DOCK7: variants seen among roughly 807,000 people sequenced by gnomAD.
The protein encoded by DOCK7 is dedicator of cytokinesis protein 7.
A neutral mutation model predicts 271.0 loss-of-function variants in DOCK7; 138 were observed. That is an observed-to-expected ratio of 0.51 (90% CI 0.44 to 0.59). The LOEUF is 0.59. Among genes scored for constraint, DOCK7 ranks in the 20% least tolerant of loss-of-function variants. The pLI is 0.00. For missense variants in DOCK7, 2,066 were observed against 2,592.4 expected (o/e 0.80, Z 4.41); for synonymous variants, 823 against 876.1 (o/e 0.94, Z 1.07).
chr1:62,634,376 T>A (rs868211165), intron 9 of DOCK7: 4,640 of 147,134 alleles, frequency 0.032, 234 homozygotes, highest in African/African-American at 0.11. Flanking sequence ...ATCTCAATGT[T>A]TTTTTTTTTT....
chr1:62,537,585 CAAAA>C (rs34404898), intron 28 of DOCK7, among the ~76,000 whole-genome samples: 8 of 106,614 alleles, frequency 7.5e-5, no homozygotes, highest in Non-Finnish European at 8.0e-5. Flanking sequence ...GACTCTGTCT[CAAAA>C]AAAAAAAAAA....
chr1:62,472,212 T>C (rs1645851123), intron 48 of DOCK7, among the ~76,000 whole-genome samples: 1 of 152,086 alleles, frequency 6.6e-6, no homozygotes, highest in Non-Finnish European at 1.5e-5. Flanking sequence ...CAAGCAATTC[T>C]CTCTGCCTCA....
chr1:62,615,091 T>C (rs886426791), intron 14 of DOCK7, among the ~76,000 whole-genome samples: 10 of 151,902 alleles, frequency 6.6e-5, no homozygotes, highest in African/African-American at 2.4e-4. Flanking sequence ...GCTACACATA[T>C]AGTCGTACCA....
chr1:62,666,666 G>A (rs1659362144), intron 1 of DOCK7, among the ~76,000 whole-genome samples: 1 of 152,130 alleles, frequency 6.6e-6, no homozygotes, highest in African/African-American at 2.4e-5. Flanking sequence ...ATAAATATAA[G>A]CCCTGATACC....
chr1:62,686,694 T>C (rs971188012), intron 1 of DOCK7, among the ~76,000 whole-genome samples: 3 of 152,206 alleles, frequency 2.0e-5, no homozygotes, highest in African/African-American at 7.2e-5. Flanking sequence ...AGCTGGGTCC[T>C]ATTATTATTC....
At chr1:62,566,905 C>T (rs1282493524) in intron 18 of DOCK7, among the ~76,000 whole-genome samples, 1 of 152,098 alleles carries the variant, frequency 6.6e-6, no homozygotes, top group Non-Finnish European at 1.5e-5. Context: ...AGACACTTCT[C>T]AAAAGAAGAC....
At chr1:62,588,568 A>T (rs1258327726) in intron 14 of DOCK7, among the ~76,000 whole-genome samples, 8 of 152,108 alleles carry the variant, frequency 5.3e-5, no homozygotes, top group Non-Finnish European at 1.0e-4. Context: ...TGGTTTTTGT[A>T]AATTGAGAAT....
chr1:62,511,873 G>A (rs1644496304), intron 33 of DOCK7, among the ~76,000 whole-genome samples: 1 of 151,916 alleles, frequency 6.6e-6, no homozygotes, highest in African/African-American at 2.4e-5. Context: ...TCTTAGAACT[G>A]AAAGTTAAGA....
chr1:62,476,726 G>A (rs190468638), intron 44 of DOCK7, among the ~76,000 whole-genome samples: 166 of 152,294 alleles, frequency 1.1e-3, no homozygotes, highest in African/African-American at 3.7e-3. Context: ...AGCAGCATGG[G>A]TAAAGGATGA....
chr1:62,470,794 C>T (rs1645809004), intron 48 of DOCK7, among the ~76,000 whole-genome samples: 1 of 151,882 alleles, frequency 6.6e-6, no homozygotes, highest in Admixed American at 6.6e-5. Flanking sequence ...CCGTCTCAAA[C>T]AAAACAAAAC....
chr1:62,651,339 T>C (rs112957492), intron 4 of DOCK7, among the ~76,000 whole-genome samples: 47,087 of 142,074 alleles, frequency 0.33, 7,989 homozygotes, highest in South Asian at 0.41. Context: ...TTAGGAGATA[T>C]ACCTAATATA....
intron 1 of DOCK7, among the ~76,000 whole-genome samples, chr1:62,669,478 G>A (rs1001234975): frequency 3.9e-5 from 6 of 152,180 alleles, no homozygotes; most frequent in Admixed American, 6.5e-5. Context: ...AAAACTTCAC[G>A]TCTGATTGGG....
chr1:62,652,226 A>C (rs180703992), intron 4 of DOCK7, among the ~76,000 whole-genome samples: 168 of 152,264 alleles, frequency 1.1e-3, no homozygotes, highest in African/African-American at 3.8e-3. Context: ...GCACTACTGA[A>C]GCTTTTGCAT....
intron 11 of DOCK7, chr1:62,628,277 C>A (rs1029576765): frequency 6.6e-6 from 1 of 152,230 alleles, no homozygotes; most frequent in Non-Finnish European, 1.5e-5. Context: ...TACTGCTCTA[C>A]GGCCCGGATC....
At chr1:62,587,025 C>G (rs1202185545) in intron 14 of DOCK7, among the ~76,000 whole-genome samples, 2 of 151,896 alleles carry the variant, frequency 1.3e-5, no homozygotes, top group Admixed American at 1.3e-4. Flanking sequence ...TTAGTTCCTC[C>G]AAGCACATAT....
intron 29 of DOCK7, 137 bp from the exon 30 acceptor site, chr1:62,529,583 A>G (rs1645115498): frequency 5.9e-6 from 3 of 510,182 alleles, no homozygotes; most frequent in African/African-American, 5.8e-5. Flanking sequence ...ATTTGCATGC[A>G]TTCCATTCCT....
chr1:62,683,747 C>G (rs1053277962), intron 1 of DOCK7, among the ~76,000 whole-genome samples: 15 of 151,980 alleles, frequency 9.9e-5, no homozygotes, highest in Admixed American at 3.3e-4. Flanking sequence ...CCAGCCTGGG[C>G]AACATGGCGA....
In DOCK7 at chr1:62,682,204, C is replaced by T. The variant is rs189913994; in HGVS notation, c.38+6023G>A. 4.4e-3 allele frequency among the ~76,000 whole-genome samples: 676 copies of T among 152,302 alleles called. 4 individuals are homozygous for T. Among genetic ancestry groups the T allele is most frequent in the Non-Finnish European group, 4.4e-3 (302 of 68,040 alleles). On this transcript the variant is annotated intron_variant, in intron 1 of 49. Transcript: ENST00000635253. The stretch of plus-strand genomic sequence containing the variant: ...GTCACAGTTAACCTTAAAATCCAAG[C>T]AAGGGTTTGGCTTTAACACTGTAAG...
At chr1:62,550,945 T>C (rs1001698114) in intron 22 of DOCK7, among the ~76,000 whole-genome samples, 10 of 152,122 alleles carry the variant, frequency 6.6e-5, no homozygotes, top group African/African-American at 2.4e-4. Context: ...GGTTTTGAAC[T>C]CCTGACCTCA....
Sources: gnomAD v4.1 joint callset for allele counts (sites outside exome capture counted in the v4.1 genomes callset) on GRCh38, gnomAD v4.1.1 for gene constraint, MANE v1.5 for transcripts, NCBI Gene and HGNC (gene_info 2026-07-23, HGNC 2026-07-21) for gene names.